TDRD12: variants seen among roughly 807,000 people sequenced by gnomAD.
TDRD12 encodes the protein putative ATP-dependent RNA helicase TDRD12.
A neutral mutation model predicts 133.5 loss-of-function variants in TDRD12; 158 were observed. The observed-to-expected ratio is 1.18, with a 90% CI of 1.04 to 1.35. TDRD12 has a LOEUF of 1.35. Among genes scored for constraint, TDRD12 ranks in the 40% most tolerant of loss-of-function variants. The pLI, the probability that TDRD12 is intolerant of heterozygous loss-of-function variation, is 0.00. For synonymous variants in TDRD12, 460 were observed against 477.9 expected (o/e 0.96, Z 0.49); for missense variants, 1,443 against 1,321.3 (o/e 1.09, Z -1.43).
At chr19:32,727,695 G>A (rs996497206) in intron 1 of TDRD12, among the ~76,000 whole-genome samples, 7 of 151,996 alleles carry the variant, frequency 4.6e-5, no homozygotes, top group African/African-American at 1.7e-4. Context: ...TTGAGACAGA[G>A]TCTCACTCTG....
intron 22 of TDRD12, 47 bp downstream of exon 22, chr19:32,807,695 T>A: frequency 7.6e-7 from 1 of 1,323,186 alleles, no homozygotes; most frequent in Non-Finnish European, 1.0e-6. Flanking sequence ...ATGGTCATGT[T>A]AATAAACGTG....
intron 9 of TDRD12, 109 bp from the exon 10 acceptor site, chr19:32,773,347 C>A (rs2145601815): frequency 1.1e-6 from 1 of 950,262 alleles, no homozygotes; most frequent in Non-Finnish European, 1.6e-6. Context: ...TGAAAGATGT[C>A]TGGGATGGTT....
At chr19:32,793,461 G>T (rs1971128510) in intron 13 of TDRD12, among the ~76,000 whole-genome samples, 1 of 152,180 alleles carries the variant, frequency 6.6e-6, no homozygotes, top group African/African-American at 2.4e-5. Flanking sequence ...TCAATACCAA[G>T]TGCAGAGCAT....
At chr19:32,769,744 C>T (rs1243902553) in intron 8 of TDRD12, among the ~76,000 whole-genome samples, 1 of 152,062 alleles carries the variant, frequency 6.6e-6, no homozygotes, top group African/African-American at 2.4e-5. Flanking sequence ...TCAAGTGATT[C>T]TCCTGCCTCA....
intron 11 of TDRD12, among the ~76,000 whole-genome samples, chr19:32,783,303 G>T (rs891124266): frequency 6.6e-6 from 1 of 152,128 alleles, no homozygotes; most frequent in Non-Finnish European, 1.5e-5. Context: ...TGAGGCCTGT[G>T]TTCTGTTCCA....
chr19:32,740,864 A>G (rs1002639087), intron 3 of TDRD12, among the ~76,000 whole-genome samples: 8 of 152,194 alleles, frequency 5.3e-5, no homozygotes, highest in Non-Finnish European at 2.9e-5. Context: ...GCTGTTGCCA[A>G]GATGGTGCTG....
intron 11 of TDRD12, among the ~76,000 whole-genome samples, chr19:32,784,230 T>G (rs1970845407): frequency 6.6e-6 from 1 of 152,244 alleles, no homozygotes; most frequent in Non-Finnish European, 1.5e-5. Flanking sequence ...AGGCCTTTTC[T>G]GCATCTGTTG....
chr19:32,732,011 G>A, intron 2 of TDRD12, 128 bp downstream of exon 2: 1 of 990,104 alleles, frequency 1.0e-6, no homozygotes. Flanking sequence ...CCTTGTGTTA[G>A]GTTTTTTTTT....
chr19:32,745,510 T>A (rs1318783074), intron 4 of TDRD12, among the ~76,000 whole-genome samples: 1 of 152,248 alleles, frequency 6.6e-6, no homozygotes, highest in Non-Finnish European at 1.5e-5. Context: ...CCACACAATA[T>A]TGAATATCGT....
At position 32,777,377 on chromosome 19, in the gene TDRD12, G is replaced by A. The variant is rs1425150961; in HGVS notation, c.1121+148G>A. On this transcript the variant is annotated intron_variant, in intron 11 of 27. Coordinates refer to ENST00000444215, the Ensembl canonical transcript of TDRD12. ...ACAGTATATCTCCTGTAGGGTTTGA[G>A]GTTAATTTTTGCTTTTCCATCCACT... The A allele has an allele frequency of 5.5e-6, 3 of 541,192 alleles. 1 individual carries two copies. The African/African-American group carries it at 6.0e-5, about 11-fold the overall frequency. The allele number at this position is 541,192 out of a possible 1,614,324, so 33.5% of individuals were successfully genotyped here.
At chr19:32,766,739 C>T (rs1421029729) in intron 8 of TDRD12, among the ~76,000 whole-genome samples, 2 of 151,798 alleles carry the variant, frequency 1.3e-5, no homozygotes, top group Non-Finnish European at 2.9e-5. Flanking sequence ...CTTAGCCTCC[C>T]GAGTAGCTGG....
chr19:32,828,612 ATTAT>A (rs1278443568), exon 10 of TDRD12: 1 of 152,144 alleles, frequency 6.6e-6, no homozygotes, highest in African/African-American at 2.4e-5. Flanking sequence ...CAAGATCTTT[ATTAT>A]TTTTTTGTAT....
At chr19:32,794,082 C>G (rs1971149155) in intron 13 of TDRD12, among the ~76,000 whole-genome samples, 1 of 129,542 alleles carries the variant, frequency 7.7e-6, no homozygotes, top group African/African-American at 2.9e-5. Context: ...ACATGAGCCA[C>G]TGTGCCTGGC....
intron 16 of TDRD12, among the ~76,000 whole-genome samples, chr19:32,798,779 C>T (rs1372177388): frequency 6.6e-6 from 1 of 152,146 alleles, no homozygotes; most frequent in African/African-American, 2.4e-5. Context: ...GAAGGGATCC[C>T]TCTTACTATT....
At chr19:32,781,221 C>T (rs1001466937) in intron 11 of TDRD12, among the ~76,000 whole-genome samples, 4 of 152,282 alleles carry the variant, frequency 2.6e-5, no homozygotes, top group South Asian at 2.1e-4. Context: ...GGATTACAGG[C>T]GTGAGCCACC....
intron 14 of TDRD12, among the ~76,000 whole-genome samples, 197 bp downstream of exon 14, chr19:32,795,010 T>C (rs557796956): frequency 1.2e-4 from 19 of 152,232 alleles, no homozygotes; most frequent in African/African-American, 4.6e-4. Context: ...CTGGAGCCTA[T>C]AGTTGTGGGC....
chr19:32,747,476 T>G (rs1419767195), intron 4 of TDRD12, among the ~76,000 whole-genome samples: 5 of 152,244 alleles, frequency 3.3e-5, no homozygotes, highest in Non-Finnish European at 7.3e-5. Context: ...AAAGAATTCT[T>G]GGAGGATGGT....
chr19:32,813,881 G>C, intron 25 of TDRD12, 105 bp downstream of exon 25: 1 of 681,388 alleles, frequency 1.5e-6, no homozygotes, highest in Non-Finnish European at 2.5e-6. Context: ...TAGAAACGGT[G>C]ACTTATTTGG....
intron 2 of TDRD12, among the ~76,000 whole-genome samples, chr19:32,732,686 T>C (rs1969095706): frequency 6.6e-6 from 1 of 152,162 alleles, no homozygotes; most frequent in Non-Finnish European, 1.5e-5. Context: ...TTTGTAATGG[T>C]ATAATAGGAA....
Sources: gnomAD v4.1 joint callset for allele counts (sites outside exome capture counted in the v4.1 genomes callset) on GRCh38, gnomAD v4.1.1 for gene constraint, MANE v1.5 for transcripts, NCBI Gene and HGNC (gene_info 2026-07-23, HGNC 2026-07-21) for gene names.